Variants in MYH7 observed in about 807,000 individuals in gnomAD.
MYH7 encodes the protein myosin heavy chain 7.
MYH7 carries 129 observed loss-of-function variants against 225.4 expected under a neutral mutation model. That is an observed-to-expected ratio of 0.57 (90% confidence interval 0.50 to 0.66). The LOEUF is 0.66. Among genes scored for constraint, MYH7 ranks in the 30% least tolerant of loss-of-function variants. MYH7 has a pLI of 0.00. For missense variants in MYH7, 1,649 were observed against 2,517.0 expected (o/e 0.66, Z 7.38); for synonymous variants, 971 against 1,007.6 (o/e 0.96, Z 0.69).
chr14:23,417,756 GAACCTTCTCAAAGAC>G, intron 30 of MYH7, 70 bp from the exon 31 acceptor site: 3 of 1,571,652 alleles, frequency 1.9e-6, no homozygotes, highest in Non-Finnish European at 2.6e-6. Context: ...GAAACAACAT[GAACCTTCTCAAAGAC>G]AATCCTTGAA....
rs45501694 is a variant in MYH7, at chr14:23,419,285, G to C, written c.3864C>G (p.Ser1288=). The part of the protein sequence containing the change: ...AKLQTENGEL[S]RQLDEKEALI... The stretch of plus-strand genomic sequence containing the variant: ...GTGCCTCCTTCTCATCCAGCTGCCG[G>C]GACAGCTCACCTGGGGAAGCACCAT... The change falls in exon 29 of 40, where the codon TCC becomes TCG. Residue 1288 remains serine (S), a synonymous_variant. Coordinates refer to ENST00000355349, the MANE Select transcript of MYH7 (RefSeq NM_000257.4). 7.9e-4 allele frequency: 1,277 copies of C among 1,614,088 alleles called. 14 individuals carry two copies. The African/African-American group carries it at 0.015, about 19-fold the overall frequency.
chr14:23,413,712 T>C, intron 39 of MYH7, 47 bp downstream of exon 39: 1 of 1,612,204 alleles, frequency 6.2e-7, no homozygotes, highest in East Asian at 2.2e-5. Context: ...TCTGTCTGGG[T>C]ATGCCTGCTG....
rs777325544 is a variant in MYH7 at position 23,419,170 on chromosome 14, C to G, written c.3972+7G>C. 1.5e-5 allele frequency: 25 copies of G among 1,613,942 alleles called. No homozygotes were observed. The Admixed American group carries it at 3.8e-4, about 25-fold the overall frequency. ...CTTGGGCCAGGTGGCCCGAGTCTAG[C>G]CCTTACCTTAACCTCCTCCTCCAGC... On this transcript the variant is annotated splice_region_variant and intron_variant, in intron 29 of 39. Coordinates refer to ENST00000355349, the MANE Select transcript of MYH7 (RefSeq NM_000257.4).
chr14:23,425,650 G>T lies in MYH7; in HGVS notation c.2286+45C>A. 6.2e-7 allele frequency: 1 copy of T among 1,613,544 alleles called. No individual in the cohort carries two copies. The highest frequency in any genetic ancestry group is 8.5e-7 in the Non-Finnish European group (1 of 1,179,664). On this transcript the variant is annotated intron_variant, in intron 20 of 39. Coordinates refer to ENST00000355349, the MANE Select transcript of MYH7 (RefSeq NM_000257.4). The surrounding 1 kb of genome is among the most constrained non-coding windows in gnomAD (Gnocchi z 4.6). The stretch of plus-strand genomic sequence containing the variant: ...CAGGAAAAGCATCAGAGGAGTCAAT[G>T]GAAAAGAGATGTCTTCCTTTAATTA...
chr14:23,426,868 T>C lies in MYH7; in HGVS notation c.1957-4A>G. 6.2e-7 allele frequency: 1 copy of C among 1,613,058 alleles called. No homozygotes were observed. Among genetic ancestry groups the C allele is most frequent in the Non-Finnish European group, 8.5e-7 (1 of 1,179,384 alleles). ...TCATCAGCTTGTTCAGATTTTCCTG[T>C]GGCCAAAAATGCAATAGAGAAAAGT... On this transcript the variant is annotated splice_polypyrimidine_tract_variant and splice_region_variant and intron_variant, in intron 17 of 39. Transcript: ENST00000355349.
Position 23,424,064 on chromosome 14 carries a change from A to C in MYH7, c.2765T>G (p.Met922Arg), listed in dbSNP as rs771599539. The C allele has an allele frequency of 6.2e-7, 1 of 1,614,130 alleles. No individual in the cohort carries two copies. Among genetic ancestry groups the C allele is most frequent in the Non-Finnish European group, 8.5e-7 (1 of 1,180,016 alleles). The change falls in exon 23 of 40, where the codon ATG (methionine) becomes AGG (arginine). Residue 922 changes from methionine (M) to arginine (R), a missense_variant. By Grantham distance (91) the Met-to-Arg change is moderately conservative. Coordinates refer to ENST00000355349, the MANE Select transcript of MYH7 (RefSeq NM_000257.4). ...KIQLEAKVKE[M>R]NERLEDEEEM... Reference sequence around the variant, plus strand: ...CTCCTCATCCTCCAGCCTCTCGTTCATCTCCTTCACCTTGGCCTCCAGCTG... The same window carrying C: ...CTCCTCATCCTCCAGCCTCTCGTTCCTCTCCTTCACCTTGGCCTCCAGCTG...
rs397516205 is a variant in MYH7 at position 23,417,644 on chromosome 14, C to A, written c.4212G>T (p.Val1404=). ...AGGAGCACTTGGCATTAACAGCCTC[C>A]ACGGCCTCCTCAGCTTCCTGCAGCC... ...AQRLQEAEEA[V]EAVNAKCSSL... The change falls in exon 31 of 40, where the codon GTG becomes GTT. Residue 1404 remains valine (V), a synonymous_variant. Transcript: ENST00000355349. 7.4e-6 allele frequency: 12 copies of A among 1,613,090 alleles called. No individual in the cohort carries two copies. The Admixed American group carries it at 1.8e-4, about 25-fold the overall frequency.
chr14:23,430,670 G>A lies in MYH7; in HGVS notation c.896-7C>T. 1 of 1,610,662 alleles carries A rather than the reference G, an allele frequency of 6.2e-7. No homozygotes were observed. On this transcript the variant is annotated splice_polypyrimidine_tract_variant and splice_region_variant and intron_variant, in intron 10 of 39. Coordinates refer to ENST00000355349, the MANE Select transcript of MYH7 (RefSeq NM_000257.4). ...TTGGTGATCAGCAGCATGTCTAGGG[G>A]AAAAAACATGGTTAGGGTGGGACAC... is the stretch of plus-strand genomic sequence containing the variant.
Position 23,415,707 on chromosome 14 carries a change from C to T in MYH7, c.5079G>A (p.Glu1693=), listed in dbSNP as rs570732103. Reference sequence around the variant, plus strand: ...CCAGCTTCCGGGACCGCTCTGTCTGCTCCACCACGGCACGCAACTCCTCCA... The same window carrying T: ...CCAGCTTCCGGGACCGCTCTGTCTGTTCCACCACGGCACGCAACTCCTCCA... ...AELEELRAVV[E]QTERSRKLAE... is the part of the protein sequence containing the mutation. Residue 1693 remains glutamate (E), a synonymous_variant, in exon 35 of 40, where the codon GAG becomes GAA. Coordinates refer to ENST00000355349, the MANE Select transcript of MYH7 (RefSeq NM_000257.4). This position sits in a 1 kb window ranked among gnomAD's most constrained non-coding sequence, Gnocchi z 6.3. The T allele has an allele frequency of 2.5e-6, 4 of 1,614,190 alleles. No individual in the cohort carries two copies. Among genetic ancestry groups the T allele is most frequent in the South Asian group, 2.2e-5 (2 of 91,080 alleles).
At position 23,425,872 on chromosome 14, in the gene MYH7, C is replaced by T; in HGVS notation, c.2163-54G>A. The T allele has an allele frequency of 1.2e-6, 2 of 1,613,230 alleles. No homozygotes were observed. The highest frequency in any genetic ancestry group is 1.7e-6 in the Non-Finnish European group (2 of 1,180,016). ...ATGCTCTGCAGTGATCTGCTCTGCC[C>T]ATAGAATTCCAGGGTCACCTGCAGA... On this transcript the variant is annotated intron_variant, in intron 19 of 39. Transcript: ENST00000355349. This position sits in a 1 kb window ranked among gnomAD's most constrained non-coding sequence, Gnocchi z 4.6.
In MYH7 at chr14:23,416,867, C is replaced by T. The variant is rs1174445597; in HGVS notation, c.4644+1G>A. The T allele has an allele frequency of 1.2e-6, 2 of 1,614,032 alleles. No individual in the cohort carries two copies. Among genetic ancestry groups the T allele is most frequent in the South Asian group, 1.1e-5 (1 of 91,096 alleles). On this transcript the variant is annotated splice_donor_variant, in intron 33 of 39. Coordinates refer to ENST00000355349, the MANE Select transcript of MYH7 (RefSeq NM_000257.4). LOFTEE classifies it high-confidence loss of function. ...ACCCCGTGCCCTGCACACACACACA[C>T]CTCGGCCTCCTCCAGGGCTGACTGC...
intron 26 of MYH7, 78 bp from the exon 27 acceptor site, chr14:23,420,312 C>G (rs2138654958): frequency 6.4e-7 from 1 of 1,559,150 alleles, no homozygotes; most frequent in African/African-American, 1.4e-5. Flanking sequence ...AGGCTCTCGG[C>G]TTCTCTGGAA....
intron 25 of MYH7, among the ~76,000 whole-genome samples, chr14:23,421,616 C>G (rs1055842267): frequency 6.6e-6 from 1 of 152,206 alleles, no homozygotes; most frequent in African/African-American, 2.4e-5. Context: ...AAGTCCTGAG[C>G]CTGAAACACC....
chr14:23,430,857 G>A, intron 10 of MYH7, 44 bp downstream of exon 10: 1 of 1,475,904 alleles, frequency 6.8e-7, no homozygotes, highest in Non-Finnish European at 9.5e-7. Context: ...AGGGGACCAG[G>A]TTGCCATGGA....
At chr14:23,434,774 C>T (rs1285542598) in intron 1 of MYH7, among the ~76,000 whole-genome samples, 1 of 152,284 alleles carries the variant, frequency 6.6e-6, no homozygotes, top group Non-Finnish European at 1.5e-5. Context: ...ATTTTGTTGT[C>T]AGACTTTGTG....
Position 23,433,046 on chromosome 14 carries a change from A to G in MYH7, c.345+38T>C. On this transcript the variant is annotated intron_variant, in intron 4 of 39. Transcript: ENST00000355349. This position sits in a 1 kb window ranked among gnomAD's most constrained non-coding sequence, Gnocchi z 4.1. ...CTGGGGTGGACATGGATGGAGCAAG[A>G]ACAGAGATCCCAACGTAGGGCCAGG... 1 of 1,614,022 alleles carries G rather than the reference A, an allele frequency of 6.2e-7. No individual in the cohort carries two copies. Among genetic ancestry groups the G allele is most frequent in the Non-Finnish European group, 8.5e-7 (1 of 1,179,974 alleles).
rs2138651402 is a variant in MYH7 at position 23,419,243 on chromosome 14, G to T, written c.3906C>A (p.Thr1302=). The change falls in exon 29 of 40, where the codon ACC becomes ACA. Residue 1302 remains threonine, a synonymous_variant. Coordinates refer to ENST00000355349, the MANE Select transcript of MYH7 (RefSeq NM_000257.4). ...DEKEALISQL[T]RGKLTYTQQL... is the part of the protein sequence containing the mutation. Reference sequence around the variant, plus strand: ...GCTGGGTGTAGGTGAGCTTGCCTCGGGTCAGCTGGGAGATCAGTGCCTCCT... The same window carrying T: ...GCTGGGTGTAGGTGAGCTTGCCTCGTGTCAGCTGGGAGATCAGTGCCTCCT... The T allele has an allele frequency of 6.2e-7, 1 of 1,614,114 alleles. No homozygotes were observed. The highest frequency in any genetic ancestry group is 8.5e-7 in the Non-Finnish European group (1 of 1,180,028).
chr14:23,423,432 CACAA>C lies in MYH7; in HGVS notation c.3099+111_3099+114del, dbSNP rs1329481162. On this transcript the variant is annotated intron_variant, in intron 24 of 39. Coordinates refer to ENST00000355349, the MANE Select transcript of MYH7 (RefSeq NM_000257.4). ...AACCCTACCCCCCTCTAAACATAAA[CACAA>C]ACACACACACACACACACACACACA... The C allele has an allele frequency of 5.1e-5, 67 of 1,319,080 alleles. No homozygotes were observed. The East Asian group carries it at 7.2e-4, about 14-fold the overall frequency. 81.7% of individuals were successfully genotyped at this position (1,319,080 alleles called of 1,614,324 possible).
In MYH7 at chr14:23,417,498, C is replaced by T. The variant is rs200436876; in HGVS notation, c.4353+5G>A. 25 of 1,612,316 alleles carry T rather than the reference C, an allele frequency of 1.6e-5. No homozygotes were observed. The African/African-American group carries it at 1.7e-4, about 11-fold the overall frequency. On this transcript the variant is annotated splice_donor_5th_base_variant and intron_variant, in intron 31 of 39. Transcript: ENST00000355349. ...TGCTGGCTGCGGCCCCCACCCAGGG[C>T]CCACCTTGTCGAAGTTCCTCTGCTT...
Sources: allele counts gnomAD v4.1 joint callset (sites outside exome capture counted in the v4.1 genomes callset), GRCh38; gene constraint gnomAD v4.1.1; non-coding constraint Gnocchi (gnomAD v3.1); transcripts MANE v1.5; gene names NCBI Gene and HGNC (gene_info 2026-07-23, HGNC 2026-07-21).